DSC1: variants seen among roughly 807,000 people sequenced by gnomAD.
The protein encoded by DSC1 is desmocollin 1, also known as desmocollin-1.
In DSC1, 79 loss-of-function variants were observed where a neutral mutation model predicts 98.8. The ratio of observed to expected loss-of-function variants is 0.80; its 90% CI spans 0.67 to 0.96. The LOEUF is 0.96. DSC1 is among the 50% of genes least tolerant of loss of function. The pLI, the probability that DSC1 is intolerant of heterozygous loss-of-function variation, is 0.00. For synonymous variants in DSC1, 405 were observed against 372.1 expected, an observed-to-expected ratio of 1.09 and a Z score of -1.02; for missense variants, 1,115 against 1,075.9, an observed-to-expected ratio of 1.04 and a Z score of -0.51.
chr18:31,145,150 G>A (rs888282640), intron 7 of DSC1, among the ~76,000 whole-genome samples: 2 of 151,836 alleles, frequency 1.3e-5, no homozygotes, highest in Non-Finnish European at 2.9e-5. Context: ...CATGGTGTTA[G>A]CCAGGATGGT....
intron 5 of DSC1, among the ~76,000 whole-genome samples, chr18:31,151,847 G>C (rs910527021): frequency 1.3e-5 from 2 of 152,078 alleles, no homozygotes; most frequent in African/African-American, 4.8e-5. Context: ...TAATCGACTT[G>C]TGTGCCCAGA....
In DSC1 at chr18:31,162,613, C is replaced by G. The variant is rs199575469; in HGVS notation, c.-19G>C. The G allele has an allele frequency of 9.3e-6, 15 of 1,613,620 alleles. No individual in the cohort carries two copies. The highest frequency in any genetic ancestry group is 1.3e-5 in the Non-Finnish European group (15 of 1,179,622). On this transcript the variant is annotated 5_prime_UTR_variant, in exon 1 of 16. Transcript: ENST00000257198. Reference sequence around the variant, plus strand: ...GAGCCATCAGAAGCAGTCCCAATGGCCAGGGACGGTGGCCAGATAACAGGG... The same window carrying G: ...GAGCCATCAGAAGCAGTCCCAATGGGCAGGGACGGTGGCCAGATAACAGGG...
intron 1 of DSC1, among the ~76,000 whole-genome samples, chr18:31,161,947 C>G (rs1989218030): frequency 6.6e-6 from 1 of 152,054 alleles, no homozygotes; most frequent in Admixed American, 6.6e-5. Context: ...CCCTCACCTC[C>G]AAAGAAAAAA....
chr18:31,145,101 G>A (rs1296741581), intron 7 of DSC1, among the ~76,000 whole-genome samples: 3 of 151,960 alleles, frequency 2.0e-5, no homozygotes, highest in East Asian at 1.9e-4. Flanking sequence ...CACCAAGCCC[G>A]GCTAATTTCT....
chr18:31,154,694 T>C (rs571306323), intron 5 of DSC1, 80 bp downstream of exon 5: 2 of 1,200,054 alleles, frequency 1.7e-6, no homozygotes, highest in East Asian at 2.7e-5. Context: ...ATTCTTATAA[T>C]ATGTAAACAA....
chr18:31,156,770 G>T (rs1989106410), intron 3 of DSC1, among the ~76,000 whole-genome samples: 1 of 152,204 alleles, frequency 6.6e-6, no homozygotes, highest in South Asian at 2.1e-4. Flanking sequence ...CTGAAAATGA[G>T]ATGTGAATTC....
In DSC1 at chr18:31,133,774, T is replaced by C. The variant is rs1401634395; in HGVS notation, c.2116+117A>G. On this transcript the variant is annotated intron_variant, in intron 13 of 15. Coordinates refer to ENST00000257198, the MANE Select transcript of DSC1 (RefSeq NM_024421.2). ...GCCCCAAGACATAAAATAGATACAATATTTTTAAAAGAACACACTTCCCAA... is the reference window on the plus strand; with the variant it reads ...GCCCCAAGACATAAAATAGATACAACATTTTTAAAAGAACACACTTCCCAA... The C allele has an allele frequency of 3.8e-6, 4 of 1,042,982 alleles. No individual in the cohort carries two copies. In the East Asian group the frequency reaches 7.9e-5, roughly 21 times the overall value. 64.6% of individuals were successfully genotyped at this position (1,042,982 alleles called of 1,614,324 possible).
intron 5 of DSC1, among the ~76,000 whole-genome samples, chr18:31,152,181 A>G (rs1044129841): frequency 1.3e-5 from 2 of 151,912 alleles, no homozygotes; most frequent in African/African-American, 4.8e-5. Context: ...ACAAAAAAAA[A>G]CAAGATAATA....
At position 31,134,768 on chromosome 18, in the gene DSC1, A is replaced by G. The variant is rs201831257; in HGVS notation, c.1680T>C (p.Thr560=). ...VAVDAVGRSC[T]GTLVVHLDDY... is the part of the protein sequence containing the mutation. The stretch of plus-strand genomic sequence containing the variant: ...CATCCAAATGAACTACTAATGTTCC[A>G]GTGCAAGATCGGCCAACTAAGATTA... Residue 560 remains threonine (T), a synonymous_variant, in exon 12 of 16, where the codon ACT becomes ACC. Coordinates refer to ENST00000257198, the MANE Select transcript of DSC1 (RefSeq NM_024421.2). 1.2e-6 allele frequency: 2 copies of G among 1,609,528 alleles called. No homozygotes were observed. The highest frequency in any genetic ancestry group is 8.5e-7 in the Non-Finnish European group (1 of 1,176,442).
Position 31,130,247 on chromosome 18 carries a change from G to T in DSC1, c.*267C>A. 2.7e-6 allele frequency: 1 copy of T among 365,832 alleles called. No individual in the cohort carries two copies. Among genetic ancestry groups the T allele is most frequent in the East Asian group, 4.6e-5 (1 of 21,854 alleles). 22.7% of individuals were successfully genotyped at this position (365,832 alleles called of 1,614,324 possible). ...TAACATCAGTTTGCAAATAAAAGGT[G>T]CAAGAAGGTGTACAGTACAGTCGTG... On this transcript the variant is annotated 3_prime_UTR_variant, in exon 16 of 16. Transcript: ENST00000257198.
At chr18:31,154,580 C>T (rs562953602) in intron 5 of DSC1, among the ~76,000 whole-genome samples, 194 bp downstream of exon 5, 5 of 152,062 alleles carry the variant, frequency 3.3e-5, no homozygotes, top group African/African-American at 7.2e-5. Flanking sequence ...TTACCTCCCC[C>T]GCCACTTCCC....
At chr18:31,155,593 A>G (rs1020920745) in intron 4 of DSC1, among the ~76,000 whole-genome samples, 1 of 152,288 alleles carries the variant, frequency 6.6e-6, no homozygotes, top group African/African-American at 2.4e-5. Context: ...TGATGCCACT[A>G]TACTCCAAAA....
intron 14 of DSC1, 36 bp downstream of exon 14, chr18:31,132,532 A>C (rs1026744037): frequency 6.2e-7 from 1 of 1,608,442 alleles, no homozygotes; most frequent in Non-Finnish European, 8.5e-7. Flanking sequence ...TCATTTGTTC[A>C]CCGTACAATT....
chr18:31,134,367 T>C lies in DSC1; in HGVS notation c.1876+205A>G, dbSNP rs564088606. On this transcript the variant is annotated intron_variant, in intron 12 of 15. Transcript: ENST00000257198. ...CAAATGTTAATTAAAAAGGGACTTA[T>C]ATGTTTTCTTAAAAGATATTCAGAA... Among the ~76,000 whole-genome samples, 15 of 152,194 alleles carry C rather than the reference T, an allele frequency of 9.9e-5. No homozygotes were observed. In the South Asian group the frequency reaches 1.5e-3, roughly 15 times the overall value.
Position 31,142,100 on chromosome 18 carries a change from G to A in DSC1, c.1159C>T (p.His387Tyr), listed in dbSNP as rs1988749774. The change falls in exon 9 of 16, where the codon CAC becomes TAC. Residue 387 changes from histidine to tyrosine, a missense_variant. Transcript: ENST00000257198. ...VQDQDLPNTP[H>Y]SKAVYKILQG... ...AGGATTTTGTATACAGCCTTTGAGT[G>A]AGGAGTGTTTGGCAAATCCTGATCC... 6.2e-7 allele frequency: 1 copy of A among 1,613,320 alleles called. No homozygotes were observed. Among genetic ancestry groups the A allele is most frequent in the African/African-American group, 1.3e-5 (1 of 74,960 alleles).
chr18:31,131,328 G>A (rs183055815), intron 15 of DSC1: 22 of 423,450 alleles, frequency 5.2e-5, no homozygotes, highest in Admixed American at 1.6e-4. Context: ...TAATTTCTAG[G>A]GAAGAGGCTA....
At chr18:31,149,909 T>A (rs1035756513) in intron 5 of DSC1, among the ~76,000 whole-genome samples, 3 of 152,190 alleles carry the variant, frequency 2.0e-5, no homozygotes, top group Non-Finnish European at 4.4e-5. Flanking sequence ...AAAACTTACA[T>A]TATGGCTTCC....
chr18:31,132,235 T>C (rs1598611973), intron 14 of DSC1: 2 of 344,838 alleles, frequency 5.8e-6, no homozygotes, highest in East Asian at 1.4e-4. Flanking sequence ...AGCCAGGGAA[T>C]TGGCAGAAGC....
At chr18:31,147,045 A>G (rs1479925810) in intron 6 of DSC1, among the ~76,000 whole-genome samples, 1 of 152,208 alleles carries the variant, frequency 6.6e-6, no homozygotes, top group Non-Finnish European at 1.5e-5. Flanking sequence ...AGGCCACAGG[A>G]AATAACAACT....
Sources: allele counts gnomAD v4.1 joint callset (sites outside exome capture counted in the v4.1 genomes callset), GRCh38; gene constraint gnomAD v4.1.1; transcripts MANE v1.5; gene names NCBI Gene and HGNC (gene_info 2026-07-23, HGNC 2026-07-21).